Variants in SDK1 observed in about 807,000 individuals in gnomAD.
SDK1 encodes sidekick cell adhesion molecule 1, also known as protein sidekick-1.
Under a neutral mutation model 245.5 loss-of-function variants are expected in SDK1, and 157 were observed. The ratio of observed to expected loss-of-function variants is 0.64; its 90% confidence interval spans 0.56 to 0.73. The LOEUF (loss-of-function observed/expected upper bound fraction) is 0.73. Among genes scored for constraint, SDK1 ranks in the 30% least tolerant of loss-of-function variants. The pLI is 0.00. For synonymous variants in SDK1, 1,647 were observed against 1,278.5 expected (o/e 1.29, Z -6.15); for missense variants, 3,583 against 3,002.3 (o/e 1.19, Z -4.52).
chr7:4,094,945 A>T (rs1471415580), intron 22 of SDK1, among the ~76,000 whole-genome samples: 1 of 152,210 alleles, frequency 6.6e-6, no homozygotes, highest in East Asian at 1.9e-4. Flanking sequence ...AAATTCAAAG[A>T]TTTTCTGATC....
intron 5 of SDK1, among the ~76,000 whole-genome samples, chr7:3,876,224 G>A (rs971295245): frequency 6.6e-6 from 1 of 152,192 alleles, no homozygotes; most frequent in African/African-American, 2.4e-5. Context: ...TGAACTCCCA[G>A]CATCCTGGCA....
intron 35 of SDK1, among the ~76,000 whole-genome samples, chr7:4,199,465 G>A (rs1194977718): frequency 6.6e-6 from 1 of 152,162 alleles, no homozygotes; most frequent in African/African-American, 2.4e-5. Flanking sequence ...GAAATCAAAC[G>A]CCAGAATTGT....
Position 4,014,638 on chromosome 7 carries a change from G to A in SDK1, c.2420+2403G>A, listed in dbSNP as rs12333386. 7.0e-3 allele frequency among the ~76,000 whole-genome samples: 1,066 copies of A among 152,302 alleles called. 14 individuals are homozygous for A. The highest frequency in any genetic ancestry group is 0.024 in the African/African-American group (1,003 of 41,558). On this transcript the variant is annotated intron_variant, in intron 16 of 44. Transcript: ENST00000404826. ...CAGCCATAAGAAGTAGTTAGGACGCGTGTGCAGTAATAAAATATTTATAAT... is the reference window on the plus strand; with the variant it reads ...CAGCCATAAGAAGTAGTTAGGACGCATGTGCAGTAATAAAATATTTATAAT...
chr7:3,511,634 T>C (rs967124644), intron 1 of SDK1, among the ~76,000 whole-genome samples: 1 of 152,116 alleles, frequency 6.6e-6, no homozygotes. Context: ...TCTGGGTGAT[T>C]GTGTTAAGTG....
At chr7:3,507,972 C>T (rs907393363) in intron 1 of SDK1, among the ~76,000 whole-genome samples, 3 of 152,172 alleles carry the variant, frequency 2.0e-5, no homozygotes, top group Non-Finnish European at 4.4e-5. Flanking sequence ...TTTGACACTG[C>T]TGACTGTCCT....
chr7:3,636,638 T>G (rs1782464458), intron 2 of SDK1, among the ~76,000 whole-genome samples: 1 of 152,218 alleles, frequency 6.6e-6, no homozygotes, highest in Non-Finnish European at 1.5e-5. Context: ...ATCTCTTGGC[T>G]AATTGTGGAT....
chr7:3,851,663 A>G (rs1273718983), intron 5 of SDK1, among the ~76,000 whole-genome samples: 1 of 152,056 alleles, frequency 6.6e-6, no homozygotes, highest in Admixed American at 6.5e-5. Flanking sequence ...GGGCGGCTTG[A>G]TATATGTGAT....
chr7:3,618,361 T>G (rs2128644466), intron 1 of SDK1, among the ~76,000 whole-genome samples: 1 of 152,360 alleles, frequency 6.6e-6, no homozygotes, highest in South Asian at 2.1e-4. Context: ...CATAGATTAG[T>G]TTTATCTGGC....
intron 4 of SDK1, among the ~76,000 whole-genome samples, chr7:3,644,243 T>TTA (rs66881824): frequency 0.028 from 4,026 of 145,190 alleles, 178 homozygotes; most frequent in African/African-American, 0.092. Flanking sequence ...GAACAAAAAT[T>TTA]TATATATATA....
At chr7:3,571,906 C>T (rs1464000644) in intron 1 of SDK1, among the ~76,000 whole-genome samples, 2 of 152,030 alleles carry the variant, frequency 1.3e-5, no homozygotes, top group East Asian at 1.9e-4. Context: ...CTTAAAAAGC[C>T]ATCACTCATA....
chr7:3,914,614 TG>T (rs1281631999), intron 5 of SDK1, among the ~76,000 whole-genome samples: 1 of 152,218 alleles, frequency 6.6e-6, no homozygotes, highest in African/African-American at 2.4e-5. Flanking sequence ...CTCTTGCATG[TG>T]CTCAGTCATC....
intron 1 of SDK1, among the ~76,000 whole-genome samples, chr7:3,553,431 A>C (rs1224681755): frequency 2.0e-5 from 3 of 152,146 alleles, no homozygotes; most frequent in Non-Finnish European, 4.4e-5. Context: ...GAGAACTCTA[A>C]AACTTGGTAG....
At chr7:3,716,435 A>G (rs1380708271) in intron 4 of SDK1, among the ~76,000 whole-genome samples, 9 of 152,234 alleles carry the variant, frequency 5.9e-5, no homozygotes, top group Admixed American at 1.3e-4. Flanking sequence ...TGAATTCTGT[A>G]TTTGGCAAAA....
chr7:3,827,947 G>A (rs1287228892), intron 5 of SDK1, among the ~76,000 whole-genome samples: 1 of 152,158 alleles, frequency 6.6e-6, no homozygotes, highest in Non-Finnish European at 1.5e-5. Flanking sequence ...GCATTTATTT[G>A]TTATTAGAAC....
chr7:3,766,150 A>AT lies in SDK1; in HGVS notation c.714-55294dup, dbSNP rs546814813. On this transcript the variant is annotated intron_variant, in intron 4 of 44. Transcript: ENST00000404826. ...TCATGTTTGAGGATTGACATCTTGAATTTTTTGTGCAAAATTTGAATATTA... is the reference window on the plus strand; with the variant it reads ...TCATGTTTGAGGATTGACATCTTGAATTTTTTTGTGCAAAATTTGAATATTA... Among the ~76,000 whole-genome samples, 27 of 152,288 alleles carry AT rather than the reference A, an allele frequency of 1.8e-4. No homozygotes were observed. In the East Asian group the frequency reaches 4.4e-3, roughly 25 times the overall value.
chr7:4,102,445 T>C (rs1406002708), intron 22 of SDK1, among the ~76,000 whole-genome samples: 3 of 152,216 alleles, frequency 2.0e-5, no homozygotes, highest in African/African-American at 4.8e-5. Flanking sequence ...GAAGGGGTTC[T>C]GGAGCATCTT....
In SDK1 at chr7:3,619,289, G is replaced by C. The variant is rs114607992; in HGVS notation, c.458+50G>C. ...GATCCCATTTCAGTTGATGTGTTTG[G>C]AATACTTGCCTTACTGGTCATAATA... On this transcript the variant is annotated intron_variant, in intron 2 of 44. Transcript: ENST00000404826. The C allele has an allele frequency of 4.1e-4, 619 of 1,522,192 alleles. 6 individuals carry two copies. In the African/African-American group the frequency reaches 7.8e-3, roughly 19 times the overall value. The allele number at this position is 1,522,192 out of a possible 1,614,324, so 94.3% of individuals were successfully genotyped here. A position where few individuals can be genotyped will look rare whatever the true frequency, so the allele number is the denominator to read the frequency against.
At chr7:3,991,788 A>G (rs1014593643) in intron 14 of SDK1, among the ~76,000 whole-genome samples, 1 of 152,204 alleles carries the variant, frequency 6.6e-6, no homozygotes, top group African/African-American at 2.4e-5. Flanking sequence ...TGGCTGAAGC[A>G]GCCTGTGCTG....
chr7:3,655,019 C>T (rs191282577), intron 4 of SDK1, among the ~76,000 whole-genome samples: 1 of 149,426 alleles, frequency 6.7e-6, no homozygotes, highest in African/African-American at 2.5e-5. Context: ...AGTTGCCAGG[C>T]CTGGAATGTG....
Sources: allele counts gnomAD v4.1 joint callset (sites outside exome capture counted in the v4.1 genomes callset), GRCh38; gene constraint gnomAD v4.1.1; transcripts MANE v1.5; gene names NCBI Gene and HGNC (gene_info 2026-07-23, HGNC 2026-07-21).